Variants in TEX26 observed in about 807,000 individuals in gnomAD.
The protein encoded by TEX26 is testis expressed 26.
TEX26 carries 34 observed loss-of-function variants against 35.3 expected under a neutral mutation model. That is an observed-to-expected ratio of 0.96 (90% confidence interval 0.73 to 1.28). The LOEUF (loss-of-function observed/expected upper bound fraction) is 1.28. Ranked by LOEUF, TEX26 falls within the 50% of genes most tolerant of loss-of-function variation. TEX26 has a pLI of 0.00. For missense variants in TEX26, 371 were observed against 330.1 expected (o/e 1.12, Z -0.96); for synonymous variants, 136 against 111.8 (o/e 1.22, Z -1.36).
chr13:30,955,947 G>A (rs895368597), intron 3 of TEX26, among the ~76,000 whole-genome samples: 2 of 152,114 alleles, frequency 1.3e-5, no homozygotes, highest in Admixed American at 1.3e-4. Context: ...GCAAGATCAT[G>A]GGAAAGAGGG....
chr13:30,965,010 G>A (rs777248259), intron 4 of TEX26, among the ~76,000 whole-genome samples: 1 of 152,202 alleles, frequency 6.6e-6, no homozygotes, highest in Non-Finnish European at 1.5e-5. Flanking sequence ...ATAGATGGAA[G>A]TTACAGGAAC....
chr13:30,962,901 C>T (rs1954398445), intron 4 of TEX26, among the ~76,000 whole-genome samples: 1 of 151,942 alleles, frequency 6.6e-6, no homozygotes, highest in Non-Finnish European at 1.5e-5. Flanking sequence ...TGGCTCACTG[C>T]AAGCTCTGCC....
At chr13:30,974,010 A>G (rs1473041168) in intron 6 of TEX26, among the ~76,000 whole-genome samples, 13 of 151,202 alleles carry the variant, frequency 8.6e-5, no homozygotes, top group Admixed American at 8.6e-4. Context: ...AATCCCAGCT[A>G]CTCAGGAGGC....
chr13:30,940,215 T>TC (rs1273509844), intron 2 of TEX26, among the ~76,000 whole-genome samples: 2 of 150,672 alleles, frequency 1.3e-5, no homozygotes, highest in Non-Finnish European at 2.9e-5. Flanking sequence ...AAGGCCACTG[T>TC]CCCCCTCTTC....
chr13:30,973,768 T>G (rs1954787319), intron 6 of TEX26, among the ~76,000 whole-genome samples: 1 of 152,112 alleles, frequency 6.6e-6, no homozygotes. Context: ...TCACTTGCAT[T>G]TTCACTCCTT....
intron 4 of TEX26, among the ~76,000 whole-genome samples, chr13:30,958,419 G>A (rs1181848052): frequency 1.3e-5 from 2 of 152,196 alleles, no homozygotes; most frequent in African/African-American, 4.8e-5. Flanking sequence ...TCTAAGCCCT[G>A]TGACACAATG....
chr13:30,955,070 T>A (rs564625241), intron 3 of TEX26, among the ~76,000 whole-genome samples: 8 of 151,980 alleles, frequency 5.3e-5, no homozygotes, highest in African/African-American at 1.9e-4. Context: ...AAACACCATT[T>A]ATTCAGGGGT....
chr13:30,962,299 T>C (rs1379905121), intron 4 of TEX26, among the ~76,000 whole-genome samples: 2 of 152,232 alleles, frequency 1.3e-5, no homozygotes, highest in Non-Finnish European at 2.9e-5. Flanking sequence ...AATCTGGTCC[T>C]GGCCGCCATG....
At chr13:30,959,411 G>A (rs901557650) in intron 4 of TEX26, among the ~76,000 whole-genome samples, 4 of 152,046 alleles carry the variant, frequency 2.6e-5, no homozygotes, top group Admixed American at 6.6e-5. Context: ...TGGAAGCTGA[G>A]GATTTGGCTA....
At chr13:30,950,872 T>C (rs1339171129) in intron 2 of TEX26, among the ~76,000 whole-genome samples, 1 of 152,132 alleles carries the variant, frequency 6.6e-6, no homozygotes, top group Admixed American at 6.5e-5. Context: ...CTCGAGACAA[T>C]GCACCATAGA....
chr13:30,944,369 T>A (rs1483614371), intron 2 of TEX26, among the ~76,000 whole-genome samples: 1 of 151,946 alleles, frequency 6.6e-6, no homozygotes, highest in African/African-American at 2.4e-5. Flanking sequence ...TTAATCTAGT[T>A]TATGGTCTAT....
intron 2 of TEX26, among the ~76,000 whole-genome samples, chr13:30,947,768 T>C (rs1279520201): frequency 6.6e-6 from 1 of 152,210 alleles, no homozygotes; most frequent in Admixed American, 6.5e-5. Flanking sequence ...CTTTAAGTTT[T>C]AGGGTACATG....
chr13:30,965,055 T>A (rs933145496), intron 4 of TEX26, among the ~76,000 whole-genome samples: 1 of 152,096 alleles, frequency 6.6e-6, no homozygotes, highest in Non-Finnish European at 1.5e-5. Flanking sequence ...TCTTAAGGGG[T>A]GCCCTGATTT....
Position 30,939,716 on chromosome 13 carries a change from C to T in TEX26, c.84C>T (p.Ser28=). Reference sequence around the variant, plus strand: ...TAGCAGATGACCCCAACTGGGATTCCTATGCTACCACTATGAGGACTGCAT... The same window carrying T: ...TAGCAGATGACCCCAACTGGGATTCTTATGCTACCACTATGAGGACTGCAT... ...LQPTDDPNWD[S]YATTMRTAFT... Residue 28 remains serine, a synonymous_variant, in exon 2 of 7, where the codon TCC becomes TCT. Coordinates refer to ENST00000380473, the MANE Select transcript of TEX26 (RefSeq NM_152325.3). 6.2e-7 allele frequency: 1 copy of T among 1,614,056 alleles called. No individual in the cohort carries two copies. Among genetic ancestry groups the T allele is most frequent in the Non-Finnish European group, 8.5e-7 (1 of 1,179,918 alleles).
intron 4 of TEX26, among the ~76,000 whole-genome samples, chr13:30,965,261 T>C (rs1472271993): frequency 6.6e-6 from 1 of 152,210 alleles, no homozygotes; most frequent in African/African-American, 2.4e-5. Flanking sequence ...AAAAATGCTC[T>C]CAGGTGCCAG....
intron 2 of TEX26, among the ~76,000 whole-genome samples, chr13:30,945,444 T>C (rs1320586605): frequency 6.6e-6 from 1 of 151,900 alleles, no homozygotes; most frequent in African/African-American, 2.4e-5. Context: ...AGGCCATTTA[T>C]GTTCAATGTT....
chr13:30,932,954 C>G, intron 1 of TEX26, 178 bp downstream of exon 1: 1 of 599,480 alleles, frequency 1.7e-6, no homozygotes. Context: ...TGACGCTGCC[C>G]CTTTTCAGTC....
At chr13:30,966,432 CTTTTTTTTTTT>C (rs10523710) in intron 5 of TEX26, 34 bp downstream of exon 5, 43 of 997,814 alleles carry the variant, frequency 4.3e-5, no homozygotes, top group African/African-American at 6.5e-5. Flanking sequence ...TTCTTTTTCT[CTTTTTTTTTTT>C]TTTTTTTTTT....
intron 2 of TEX26, 128 bp from the exon 3 acceptor site, chr13:30,952,532 T>G: frequency 1.4e-6 from 1 of 731,044 alleles, no homozygotes; most frequent in Non-Finnish European, 2.1e-6. Flanking sequence ...TTAAATTATT[T>G]CTGGCACCAA....
Sources: gnomAD v4.1 joint callset for allele counts (sites outside exome capture counted in the v4.1 genomes callset) on GRCh38, gnomAD v4.1.1 for gene constraint, MANE v1.5 for transcripts, NCBI Gene and HGNC (gene_info 2026-07-23, HGNC 2026-07-21) for gene names.